Variants in PHF8 observed in about 807,000 individuals in gnomAD.
PHF8 encodes the protein PHD finger protein 8.
Under a neutral mutation model 74.4 loss-of-function variants are expected in PHF8, and 9 were observed. The ratio of observed to expected loss-of-function variants is 0.12; its 90% confidence interval spans 0.07 to 0.21. PHF8 has a LOEUF of 0.21. PHF8 is among the 10% of genes least tolerant of loss of function. The probability of loss-of-function intolerance (pLI) is 1.00; values close to 1 mark genes in which losing one functional copy is unlikely to be tolerated. For missense variants in PHF8, 478 were observed against 816.6 expected (o/e 0.59, Z 5.05); for synonymous variants, 311 against 316.6 (o/e 0.98, Z 0.19).
At chrX:53,945,554 A>T (rs898365567) in intron 19 of PHF8, among the ~76,000 whole-genome samples, 6 of 110,251 alleles carry the variant, frequency 5.4e-5, no homozygotes, top group Admixed American at 9.7e-5. Flanking sequence ...ATAAAAAGTT[A>T]ATCTCCCTGA....
chrX:54,012,674 C>T (rs1557107044), intron 7 of PHF8, among the ~76,000 whole-genome samples: 1 of 110,891 alleles, frequency 9.0e-6, no homozygotes, highest in African/African-American at 3.3e-5. Context: ...CAGTGGCTCA[C>T]GTCTGTAATC....
rs372572740 is a variant in PHF8, at chrX:53,939,126, G to A, written c.*32C>T. On this transcript the variant is annotated 3_prime_UTR_variant, in exon 22 of 22. Coordinates refer to ENST00000338154, the MANE Select transcript of PHF8 (RefSeq NM_015107.3). ...GTTGACAATGGAGAAGGCAATGGGG[G>A]TAAAGGGGTGAGGGGTGGGACACAG... is the stretch of plus-strand genomic sequence containing the variant. 6.6e-6 allele frequency: 8 copies of A among 1,203,381 alleles called. No homozygotes were observed. In the African/African-American group the frequency reaches 1.2e-4, roughly 19 times the overall value.
chrX:53,972,183 C>G (rs1460137271), intron 18 of PHF8, among the ~76,000 whole-genome samples: 1 of 109,279 alleles, frequency 9.2e-6, no homozygotes, highest in Non-Finnish European at 1.9e-5. Flanking sequence ...ATTAGCTGGG[C>G]ATAGTGGTAC....
intron 19 of PHF8, among the ~76,000 whole-genome samples, chrX:53,955,972 G>A (rs1356471925): frequency 1.8e-5 from 2 of 111,072 alleles, no homozygotes; most frequent in African/African-American, 6.5e-5. Flanking sequence ...TTGGCTGGGC[G>A]TGGTAGCTCA....
intron 7 of PHF8, among the ~76,000 whole-genome samples, chrX:54,013,714 A>G (rs1334507678): frequency 4.5e-5 from 5 of 110,097 alleles, no homozygotes; most frequent in African/African-American, 1.3e-4. Context: ...GCTACTTGGG[A>G]GGCTGAGGCA....
In PHF8 at chrX:54,027,641, T is replaced by C. The variant is rs1323295115; in HGVS notation, c.99-4798A>G. On this transcript the variant is annotated intron_variant, in intron 2 of 21. Transcript: ENST00000338154. ...TATCTCCCTTAACCTCTTAGCACCA[T>C]TTTCGCCCTGCCAACCCTGTACACT... is the stretch of plus-strand genomic sequence containing the variant. 2.7e-5 allele frequency among the ~76,000 whole-genome samples: 3 copies of C among 111,279 alleles called. No individual in the cohort carries two copies. In the Admixed American group the frequency reaches 2.9e-4, roughly 11 times the overall value.
At chrX:54,039,133 C>CAAAAAAAA (rs61507959) in intron 2 of PHF8, among the ~76,000 whole-genome samples, 1 of 42,622 alleles carries the variant, frequency 2.3e-5, no homozygotes, top group African/African-American at 7.5e-5. Flanking sequence ...GACTCTGTCT[C>CAAAAAAAA]AAAAAAAAAA....
intron 2 of PHF8, among the ~76,000 whole-genome samples, chrX:54,037,209 G>C (rs782346427): frequency 9.0e-6 from 1 of 111,267 alleles, no homozygotes; most frequent in Non-Finnish European, 1.9e-5. Context: ...CAAACCTCTA[G>C]CAAGTCTGAC....
intron 2 of PHF8, among the ~76,000 whole-genome samples, chrX:54,039,061 G>A (rs1603345634): frequency 9.4e-6 from 1 of 106,879 alleles, no homozygotes; most frequent in African/African-American, 3.4e-5. Flanking sequence ...TTGAACCCAG[G>A]AGGCAGAGGT....
intron 2 of PHF8, among the ~76,000 whole-genome samples, chrX:54,037,115 GATCT>G (rs1468174224): frequency 3.6e-5 from 4 of 110,849 alleles, no homozygotes; most frequent in African/African-American, 1.3e-4. Context: ...TAAAGGCAGA[GATCT>G]ATTAAATTGA....
chrX:53,950,473 G>C (rs782380964), intron 19 of PHF8, among the ~76,000 whole-genome samples: 34 of 112,688 alleles, frequency 3.0e-4, no homozygotes, highest in Non-Finnish European at 5.6e-4. Context: ...TGTTGGCGCT[G>C]TAAGACTTGA....
At chrX:53,951,600 G>A (rs1317019766) in intron 19 of PHF8, among the ~76,000 whole-genome samples, 1 of 110,311 alleles carries the variant, frequency 9.1e-6, no homozygotes, top group East Asian at 2.9e-4. Context: ...ACAGGTGCCC[G>A]CCACCACGCC....
At chrX:53,958,484 A>C (rs1557089513) in intron 19 of PHF8, among the ~76,000 whole-genome samples, 1 of 108,011 alleles carries the variant, frequency 9.3e-6, no homozygotes, top group African/African-American at 3.4e-5. Flanking sequence ...CTGAGAAGAT[A>C]AATGAAAAAA....
intron 18 of PHF8, among the ~76,000 whole-genome samples, chrX:53,972,778 C>G (rs1352860681): frequency 1.8e-5 from 2 of 111,311 alleles, no homozygotes; most frequent in Admixed American, 9.7e-5. Context: ...TTCAACATAG[C>G]ATTGGAAGTT....
chrX:54,021,402 C>T (rs998206227), intron 4 of PHF8, among the ~76,000 whole-genome samples: 3 of 106,836 alleles, frequency 2.8e-5, no homozygotes, highest in South Asian at 4.1e-4. Context: ...AATATACCCA[C>T]GTAAACAAAC....
intron 13 of PHF8, chrX:53,993,129 C>T: frequency 2.8e-6 from 1 of 356,876 alleles, no homozygotes; most frequent in Non-Finnish European, 5.0e-6. Flanking sequence ...AAGATGGAGC[C>T]CTGGTGGAGG....
At chrX:53,948,327 C>T (rs1299088783) in intron 19 of PHF8, among the ~76,000 whole-genome samples, 2 of 111,852 alleles carry the variant, frequency 1.8e-5, no homozygotes, top group Non-Finnish European at 3.8e-5. Context: ...CACAGTCACG[C>T]AGTGGCGTGA....
At chrX:53,985,345 A>G (rs2065545677) in intron 17 of PHF8, 118 bp from the exon 18 acceptor site, 5 of 604,995 alleles carry the variant, frequency 8.3e-6, no homozygotes, top group Admixed American at 2.9e-5. Flanking sequence ...GGGAGGAAAA[A>G]GGGGAGAATC....
intron 19 of PHF8, among the ~76,000 whole-genome samples, chrX:53,951,849 G>A (rs1314570972): frequency 1.8e-5 from 2 of 111,716 alleles, no homozygotes; most frequent in African/African-American, 3.3e-5. Flanking sequence ...AAGACAGTGC[G>A]AAGACATATT....
Sources: gnomAD v4.1 joint callset for allele counts (sites outside exome capture counted in the v4.1 genomes callset) on GRCh38, gnomAD v4.1.1 for gene constraint, MANE v1.5 for transcripts, NCBI Gene and HGNC (gene_info 2026-07-23, HGNC 2026-07-21) for gene names.